The following LEKR1 variants were observed in gnomAD, a reference collection of about 807,000 sequenced individuals.
LEKR1 encodes the protein leucine, glutamate and lysine rich 1, also known as protein LEKR1.
A neutral mutation model predicts 72.4 loss-of-function variants in LEKR1; 59 were observed. The observed-to-expected ratio is 0.82, with a 90% CI of 0.66 to 1.01. LEKR1 has a LOEUF of 1.01. LEKR1 is among the 50% of genes least tolerant of loss of function. The pLI is 0.00. For missense variants in LEKR1, 728 were observed against 759.2 expected, an observed-to-expected ratio of 0.96 and a Z score of 0.48; for synonymous variants, 257 against 263.2, an observed-to-expected ratio of 0.98 and a Z score of 0.23.
At chr3:156,931,590 T>A (rs1725229579) in intron 5 of LEKR1, among the ~76,000 whole-genome samples, 1 of 152,016 alleles carries the variant, frequency 6.6e-6, no homozygotes, top group Admixed American at 6.6e-5. Flanking sequence ...ATCCTAAAAC[T>A]GCAAAAAACT....
intron 2 of LEKR1, among the ~76,000 whole-genome samples, chr3:156,846,083 A>G (rs891250113): frequency 6.6e-6 from 1 of 152,156 alleles, no homozygotes; most frequent in African/African-American, 2.4e-5. Context: ...TTGTAAATAT[A>G]TATATATGTA....
intron 3 of LEKR1, among the ~76,000 whole-genome samples, chr3:156,919,554 A>G (rs1433720317): frequency 6.6e-6 from 1 of 152,218 alleles, no homozygotes; most frequent in Non-Finnish European, 1.5e-5. Context: ...TGTTATTCAC[A>G]GCTGAATGTA....
At chr3:156,973,441 G>C (rs1464590454) in intron 6 of LEKR1, among the ~76,000 whole-genome samples, 1 of 152,122 alleles carries the variant, frequency 6.6e-6, no homozygotes, top group African/African-American at 2.4e-5. Flanking sequence ...AATGCAGCTA[G>C]AGAAAAGGGC....
intron 9 of LEKR1, among the ~76,000 whole-genome samples, chr3:156,995,898 G>T (rs1731522583): frequency 6.6e-6 from 1 of 151,988 alleles, no homozygotes; most frequent in Admixed American, 6.5e-5. Context: ...TGATCACAGG[G>T]TTACTCCTAA....
chr3:157,044,106 C>G (rs1247114563), intron 12 of LEKR1, among the ~76,000 whole-genome samples: 1 of 152,196 alleles, frequency 6.6e-6, no homozygotes, highest in African/African-American at 2.4e-5. Context: ...ATTAGTCAGT[C>G]AACCCTTAGG....
chr3:157,015,769 G>A (rs552026688), intron 10 of LEKR1, among the ~76,000 whole-genome samples: 2 of 152,196 alleles, frequency 1.3e-5, no homozygotes, highest in South Asian at 4.1e-4. Context: ...ACAGAAGTGA[G>A]AATTAGCAGA....
intron 9 of LEKR1, among the ~76,000 whole-genome samples, chr3:157,004,228 AAAG>A (rs1186798671): frequency 6.6e-6 from 1 of 152,200 alleles, no homozygotes; most frequent in Non-Finnish European, 1.5e-5. Context: ...TACCAGAAGT[AAAG>A]AAGTTCATTT....
chr3:157,037,293 G>A (rs1028792977), intron 12 of LEKR1, among the ~76,000 whole-genome samples: 13 of 152,080 alleles, frequency 8.5e-5, no homozygotes, highest in African/African-American at 3.1e-4. Flanking sequence ...TTTTTTCATT[G>A]TGAGTTTTAG....
intron 3 of LEKR1, among the ~76,000 whole-genome samples, chr3:156,888,025 TATCA>T (rs1193857625): frequency 1.3e-5 from 2 of 152,164 alleles, no homozygotes; most frequent in Non-Finnish European, 2.9e-5. Context: ...TAGTGATATA[TATCA>T]GAGAATGGAA....
At chr3:157,025,456 ATG>A (rs140834685) in intron 11 of LEKR1, among the ~76,000 whole-genome samples, 7 of 150,424 alleles carry the variant, frequency 4.7e-5, no homozygotes, top group South Asian at 2.1e-4. Context: ...TAGAGTGTGT[ATG>A]TGTGTGTGTG....
At chr3:156,899,824 G>T (rs1165560502) in intron 3 of LEKR1, among the ~76,000 whole-genome samples, 1 of 149,584 alleles carries the variant, frequency 6.7e-6, no homozygotes, top group Non-Finnish European at 1.5e-5. Flanking sequence ...ACGTATATAT[G>T]TATATATATG....
intron 2 of LEKR1, among the ~76,000 whole-genome samples, chr3:156,844,358 T>A (rs1322357855): frequency 6.6e-6 from 1 of 152,146 alleles, no homozygotes; most frequent in African/African-American, 2.4e-5. Context: ...ATCCCACTTA[T>A]TCGTCATCTA....
intron 10 of LEKR1, among the ~76,000 whole-genome samples, chr3:157,012,629 G>A (rs956568653): frequency 2.0e-5 from 3 of 152,002 alleles, no homozygotes; most frequent in Admixed American, 6.6e-5. Flanking sequence ...CTAAAAACAA[G>A]TACCCCTTCC....
At chr3:156,908,957 G>T (rs1722822939) in intron 3 of LEKR1, among the ~76,000 whole-genome samples, 1 of 152,182 alleles carries the variant, frequency 6.6e-6, no homozygotes, top group Non-Finnish European at 1.5e-5. Flanking sequence ...ACATGTTGTG[G>T]AAGGGACACA....
At chr3:156,980,672 T>G (rs974588304) in intron 7 of LEKR1, among the ~76,000 whole-genome samples, 1 of 152,086 alleles carries the variant, frequency 6.6e-6, no homozygotes, top group Admixed American at 6.6e-5. Flanking sequence ...CCAGCTACTG[T>G]GTGATGATTG....
intron 4 of LEKR1, among the ~76,000 whole-genome samples, chr3:156,923,900 T>C (rs747114988): frequency 1.3e-5 from 2 of 152,116 alleles, no homozygotes; most frequent in Non-Finnish European, 2.9e-5. Flanking sequence ...GCTAATTTTT[T>C]GTATTTTTAG....
At chr3:156,826,731 G>C (rs1036760438) in intron 1 of LEKR1, 6 of 155,518 alleles carry the variant, frequency 3.9e-5, no homozygotes, top group Admixed American at 3.3e-4. Flanking sequence ...AGTTTTGTCT[G>C]GCCTTGCGGT....
chr3:157,021,522 A>G (rs1442051941), intron 10 of LEKR1, among the ~76,000 whole-genome samples: 2 of 152,194 alleles, frequency 1.3e-5, no homozygotes, highest in Non-Finnish European at 1.5e-5. Flanking sequence ...TCTCCATAAT[A>G]ATTTTTGAAA....
chr3:156,869,427 G>A (rs1490480146), intron 3 of LEKR1, among the ~76,000 whole-genome samples: 1 of 151,878 alleles, frequency 6.6e-6, no homozygotes, highest in East Asian at 1.9e-4. Flanking sequence ...TCGTGGTTTT[G>A]GTTGGTATTT....
Sources: allele counts gnomAD v4.1 joint callset (sites outside exome capture counted in the v4.1 genomes callset), GRCh38; gene constraint gnomAD v4.1.1; transcripts MANE v1.5; gene names NCBI Gene and HGNC (gene_info 2026-07-23, HGNC 2026-07-21).